DDX41: variants seen among roughly 807,000 people sequenced by gnomAD.
DDX41 encodes DEAD-box helicase 41.
Under a neutral mutation model 78.8 loss-of-function variants are expected in DDX41, and 50 were observed. That is an observed-to-expected ratio of 0.63 (90% CI 0.51 to 0.80). The LOEUF (loss-of-function observed/expected upper bound fraction) is 0.80. Ranked by LOEUF, DDX41 falls within the 30% of genes least tolerant of loss-of-function variation. DDX41 has a pLI of 0.00. For missense variants in DDX41, 633 were observed against 849.2 expected, an observed-to-expected ratio of 0.75 and a Z score of 3.16; for synonymous variants, 381 against 321.5, an observed-to-expected ratio of 1.19 and a Z score of -1.98.
intron 6 of DDX41, 143 bp downstream of exon 6, chr5:177,515,542 A>G (rs1459384357): frequency 1.9e-6 from 2 of 1,070,662 alleles, no homozygotes; most frequent in Non-Finnish European, 2.7e-6. Context: ...GCAACAAGGA[A>G]CCTAAAGAAA....
rs1761126428 is a variant in DDX41 at position 177,514,406 on chromosome 5, A to C, written c.935+295T>G. 2 of 511,378 alleles carry C rather than the reference A, an allele frequency of 3.9e-6. No homozygotes were observed. Among genetic ancestry groups the C allele is most frequent in the Non-Finnish European group, 7.1e-6 (2 of 280,788 alleles). 31.7% of individuals were successfully genotyped at this position (511,378 alleles called of 1,614,324 possible). ...GTCCGCCTCTGTGCTTTCAGCCTGG[A>C]CTGCCCCTCTTCCCAATTCAAATGT... On this transcript the variant is annotated intron_variant, in intron 9 of 16. Transcript: ENST00000330503. The surrounding 1 kb of genome is among the most constrained non-coding windows in gnomAD (Gnocchi z 4.2).
rs377374855 is a variant in DDX41, at chr5:177,514,690, C to T, written c.935+11G>A. ...TGGCAGAGGTGGGGGGCAGGGAGCG[C>T]CAGCACTCACTGTCGGATGGTCTCC... On this transcript the variant is annotated intron_variant, in intron 9 of 16. Transcript: ENST00000330503. The surrounding 1 kb of genome is among the most constrained non-coding windows in gnomAD (Gnocchi z 4.2). 4.4e-5 allele frequency: 71 copies of T among 1,605,872 alleles called. No individual in the cohort carries two copies. The African/African-American group carries it at 6.8e-4, about 15-fold the overall frequency.
chr5:177,516,733 G>A lies in DDX41; in HGVS notation c.130C>T (p.Gln44Ter), dbSNP rs1174618522. The A allele has an allele frequency of 2.5e-6, 4 of 1,601,448 alleles. No homozygotes were observed. The highest frequency in any genetic ancestry group is 3.4e-6 in the Non-Finnish European group (4 of 1,174,758). ...GGACGCGTGCCCCTCACCAGTAGCT[G>A]CCGGCGCTGCCGTAACGGCACATAG... is the stretch of plus-strand genomic sequence containing the variant. The part of the protein sequence containing the change: ...VPYVPLRQRR[Q>*]LLLQKLLQRR... The change falls in exon 2 of 17, where the codon CAG becomes TAG. Residue 44 changes from glutamine (Q) to a stop codon, truncating the protein, a stop_gained. Coordinates refer to ENST00000330503, the MANE Select transcript of DDX41 (RefSeq NM_016222.4). LOFTEE classifies it high-confidence loss of function.
At chr5:177,512,446 G>T (rs1245424775) in intron 14 of DDX41, 50 bp downstream of exon 14, 1 of 1,614,076 alleles carries the variant, frequency 6.2e-7, no homozygotes, top group African/African-American at 1.3e-5. Context: ...TAGGGGCCTG[G>T]CTTGGCCCTT....
At position 177,514,042 on chromosome 5, in the gene DDX41, C is replaced by T. The variant is rs1226186496; in HGVS notation, c.936-195G>A. On this transcript the variant is annotated intron_variant, in intron 9 of 16. Coordinates refer to ENST00000330503, the MANE Select transcript of DDX41 (RefSeq NM_016222.4). The surrounding 1 kb of genome is among the most constrained non-coding windows in gnomAD (Gnocchi z 4.2). ...CAAGGCACTGCAGCCATCTTCACCA[C>T]CGCTCGGCCTGGCGCGCCTTCCCCC... is the stretch of plus-strand genomic sequence containing the variant. 1.3e-5 allele frequency: 9 copies of T among 707,766 alleles called. No homozygotes were observed. Among genetic ancestry groups the T allele is most frequent in the Admixed American group, 1.0e-4 (5 of 48,518 alleles). 43.8% of individuals were successfully genotyped at this position (707,766 alleles called of 1,614,324 possible).
In DDX41 at chr5:177,516,440, T is replaced by C; in HGVS notation, c.146A>G (p.Lys49Arg). The part of the protein sequence containing the change: ...LRQRRQLLLQ[K>R]LLQRRRKGAA... ...TCCCTTGCGTCTTCGCTGCAGCAGC[T>C]TCTGGAGCTGAGGTTCCACCCGGGA... Residue 49 changes from lysine to arginine, a missense_variant, in exon 3 of 17, where the codon AAG becomes AGG. Lys to Arg is a conservative substitution (Grantham distance 26). Transcript: ENST00000330503. The C allele has an allele frequency of 1.2e-6, 2 of 1,613,584 alleles. No individual in the cohort carries two copies. The highest frequency in any genetic ancestry group is 1.7e-6 in the Non-Finnish European group (2 of 1,180,032).
chr5:177,512,051 T>G lies in DDX41; in HGVS notation c.1732+45A>C, dbSNP rs200336542. The G allele has an allele frequency of 1.9e-4, 302 of 1,608,542 alleles. 3 individuals carry two copies. In the East Asian group the frequency reaches 5.8e-3, roughly 31 times the overall value. ...GTTTCTGACTTCCAGCACCCCTCCT[T>G]GCCACCTGCCGGCTGGGGACTCGGG... On this transcript the variant is annotated intron_variant, in intron 16 of 16. Coordinates refer to ENST00000330503, the MANE Select transcript of DDX41 (RefSeq NM_016222.4).
chr5:177,514,095 A>C lies in DDX41; in HGVS notation c.936-248T>G. Reference sequence around the variant, plus strand: ...CTCCTGGGTCAGCCTCTCACCCAGAAGCGCTGTCATCAAGCTCCAGAGGCT... The same window carrying C: ...CTCCTGGGTCAGCCTCTCACCCAGACGCGCTGTCATCAAGCTCCAGAGGCT... On this transcript the variant is annotated intron_variant, in intron 9 of 16. Transcript: ENST00000330503. The surrounding 1 kb of genome is among the most constrained non-coding windows in gnomAD (Gnocchi z 4.2). 1.5e-6 allele frequency: 1 copy of C among 660,348 alleles called. No individual in the cohort carries two copies. The highest frequency in any genetic ancestry group is 1.5e-5 in the South Asian group (1 of 66,388). 40.9% of individuals were successfully genotyped at this position (660,348 alleles called of 1,614,324 possible). A position where few individuals can be genotyped will look rare whatever the true frequency, so the allele number is the denominator to read the frequency against.
At chr5:177,512,463 C>A (rs1206818598) in intron 14 of DDX41, 33 bp downstream of exon 14, 2 of 1,613,908 alleles carry the variant, frequency 1.2e-6, no homozygotes, top group East Asian at 2.2e-5. Flanking sequence ...CCTTTTCCGG[C>A]CTAACCCATG....
At position 177,513,572 on chromosome 5, in the gene DDX41, C is replaced by T. The variant is rs1761082328; in HGVS notation, c.1099-88G>A. Reference sequence around the variant, plus strand: ...GGGAAGCTGAGCAACTGAGACACAGCCCACAAAGTATGAGCAGTGGGTTGG... The same window carrying T: ...GGGAAGCTGAGCAACTGAGACACAGTCCACAAAGTATGAGCAGTGGGTTGG... On this transcript the variant is annotated intron_variant, in intron 10 of 16. Transcript: ENST00000330503. The surrounding 1 kb of genome is among the most constrained non-coding windows in gnomAD (Gnocchi z 4.6). 1 of 1,607,272 alleles carries T rather than the reference C, an allele frequency of 6.2e-7. No individual in the cohort carries two copies. Among genetic ancestry groups the T allele is most frequent in the African/African-American group, 1.3e-5 (1 of 74,790 alleles).
rs778746289 is a variant in DDX41, at chr5:177,515,913, G to C, written c.434+16C>G. On this transcript the variant is annotated intron_variant, in intron 5 of 16. Transcript: ENST00000330503. ...ACCATCCTAAGCAAGGGCAACTGCA[G>C]ACTGTACAGACATACCTGGTTTTGA... 1 of 1,614,220 alleles carries C rather than the reference G, an allele frequency of 6.2e-7. No individual in the cohort carries two copies. The highest frequency in any genetic ancestry group is 8.5e-7 in the Non-Finnish European group (1 of 1,180,040).
Position 177,514,392 on chromosome 5 carries a change from T to C in DDX41, c.935+309A>G. The C allele has an allele frequency of 2.0e-6, 1 of 490,776 alleles. No homozygotes were observed. The highest frequency in any genetic ancestry group is 3.7e-6 in the Non-Finnish European group (1 of 267,064). The allele number at this position is 490,776 out of a possible 1,614,324, so 30.4% of individuals were successfully genotyped here. ...GACCTTCCTGGGCCGTCCGCCTCTG[T>C]GCTTTCAGCCTGGACTGCCCCTCTT... is the stretch of plus-strand genomic sequence containing the variant. On this transcript the variant is annotated intron_variant, in intron 9 of 16. Transcript: ENST00000330503. This position sits in a 1 kb window ranked among gnomAD's most constrained non-coding sequence, Gnocchi z 4.2.
At chr5:177,515,458 C>T in intron 6 of DDX41, 200 bp from the exon 7 acceptor site, 1 of 856,082 alleles carries the variant, frequency 1.2e-6, no homozygotes. Flanking sequence ...GATTTGTACC[C>T]AGTGTCTATG....
At position 177,513,402 on chromosome 5, in the gene DDX41, A is replaced by G; in HGVS notation, c.1181T>C (p.Val394Ala). 5.0e-6 allele frequency: 8 copies of G among 1,614,152 alleles called. No homozygotes were observed. Among genetic ancestry groups the G allele is most frequent in the Non-Finnish European group, 6.8e-6 (8 of 1,180,026 alleles). Residue 394 changes from valine (V) to alanine (A), a missense_variant, in exon 11 of 17, where the codon GTG becomes GCG. Coordinates refer to ENST00000330503, the MANE Select transcript of DDX41 (RefSeq NM_016222.4). The surrounding 1 kb of genome is among the most constrained non-coding windows in gnomAD (Gnocchi z 4.6). ...NFAKSALVKP[V>A]TINVGRAGAA... The stretch of plus-strand genomic sequence containing the variant: ...CCCAGCGCGCCCCACATTGATGGTC[A>G]CAGGCTTTACAAGGGCACTCTTAGC...
Position 177,513,717 on chromosome 5 carries a change from C to T in DDX41, c.1066G>A (p.Gly356Ser), listed in dbSNP as rs1260731752. The change falls in exon 10 of 17, where the codon GGT becomes AGT. Residue 356 changes from glycine to serine, a missense_variant. Physicochemically the swap from Gly to Ser is moderately conservative, Grantham distance 56. This residue lies in a region of DDX41 where 185 missense variants were observed against 367.4 expected (regional missense o/e 0.50). Transcript: ENST00000330503. The surrounding 1 kb of genome is among the most constrained non-coding windows in gnomAD (Gnocchi z 4.6). Reference sequence around the variant, plus strand: ...TAGGAGAAGATGGTACGGATGTCACCCTCGAAGCCCATGTCGATCATGCGG... The same window carrying T: ...TAGGAGAAGATGGTACGGATGTCACTCTCGAAGCCCATGTCGATCATGCGG... ...ADRMIDMGFEGDIRTIFSYFK... is the reference protein window; with the variant it reads ...ADRMIDMGFESDIRTIFSYFK... 1.2e-6 allele frequency: 2 copies of T among 1,613,670 alleles called. No individual in the cohort carries two copies. The highest frequency in any genetic ancestry group is 1.7e-5 in the Admixed American group (1 of 60,026).
intron 4 of DDX41, 54 bp from the exon 5 acceptor site, chr5:177,516,043 C>T (rs1761215313): frequency 1.9e-6 from 3 of 1,613,888 alleles, no homozygotes; most frequent in Admixed American, 1.7e-5. Flanking sequence ...AAGCCAGATC[C>T]CTTGAGATAT....
chr5:177,516,551 G>A (rs1329709378), intron 2 of DDX41, 104 bp from the exon 3 acceptor site: 6 of 1,480,472 alleles, frequency 4.1e-6, no homozygotes, highest in African/African-American at 1.4e-5. Flanking sequence ...GAGGCGCAAA[G>A]CTGCCCTACC....
At chr5:177,511,982 G>A (rs996136800) in intron 16 of DDX41, 55 bp from the exon 17 acceptor site, 1 of 1,607,560 alleles carries the variant, frequency 6.2e-7, no homozygotes, top group Non-Finnish European at 8.5e-7. Flanking sequence ...CCATGCCCTG[G>A]ACTTCGGGCC....
chr5:177,515,607 A>T lies in DDX41; in HGVS notation c.571+78T>A, dbSNP rs1761189329. 3.2e-6 allele frequency: 5 copies of T among 1,557,488 alleles called. No homozygotes were observed. In the East Asian group the frequency reaches 1.1e-4, roughly 35 times the overall value. ...ACTGGATCCAATGCAGATGTGGCTGAGCTCAGTGGGAGCCAGGACATAACC... is the reference window on the plus strand; with the variant it reads ...ACTGGATCCAATGCAGATGTGGCTGTGCTCAGTGGGAGCCAGGACATAACC... On this transcript the variant is annotated intron_variant, in intron 6 of 16. Coordinates refer to ENST00000330503, the MANE Select transcript of DDX41 (RefSeq NM_016222.4).
Sources: allele counts gnomAD v4.1 joint callset, GRCh38; gene constraint gnomAD v4.1.1; regional missense constraint gnomAD v4.1.1; non-coding constraint Gnocchi (gnomAD v3.1); transcripts MANE v1.5; gene names NCBI Gene and HGNC (gene_info 2026-07-23, HGNC 2026-07-21).